The following GABARAPL2 variants were observed in gnomAD, a reference collection of about 807,000 sequenced individuals.
GABARAPL2 encodes the protein GABA type A receptor associated protein like 2.
A neutral mutation model predicts 16.9 loss-of-function variants in GABARAPL2; 11 were observed. The ratio of observed to expected loss-of-function variants is 0.65; its 90% CI spans 0.41 to 1.08. GABARAPL2 has a LOEUF of 1.08. GABARAPL2 is among the 50% of genes least tolerant of loss of function. GABARAPL2 has a pLI of 0.00. For synonymous variants in GABARAPL2, 57 were observed against 50.7 expected (o/e 1.12, Z -0.53); for missense variants, 134 against 142.5 (o/e 0.94, Z 0.30).
chr16:75,571,671 CT>C (rs576323236), intron 3 of GABARAPL2, among the ~76,000 whole-genome samples: 10,431 of 139,242 alleles, frequency 0.075, 1,155 homozygotes, highest in African/African-American at 0.25. Context: ...AAGGACAGGA[CT>C]TTTTTTTTTT....
At chr16:75,573,111 A>C (rs1337987356) in intron 3 of GABARAPL2, among the ~76,000 whole-genome samples, 3 of 152,226 alleles carry the variant, frequency 2.0e-5, no homozygotes, top group African/African-American at 4.8e-5. Flanking sequence ...CAGGCCTCCA[A>C]ATTCTGAGGG....
At chr16:75,566,746 G>C in intron 1 of GABARAPL2, 106 bp from the exon 2 acceptor site, 1 of 1,180,226 alleles carries the variant, frequency 8.5e-7, no homozygotes, top group Admixed American at 1.7e-5. Context: ...GGGGACGCCG[G>C]AACCAGGGCC....
chr16:75,568,324 AT>A, intron 3 of GABARAPL2, 115 bp downstream of exon 3: 1 of 651,516 alleles, frequency 1.5e-6, no homozygotes, highest in Non-Finnish European at 2.7e-6. Flanking sequence ...AGAAATCTGG[AT>A]TTTATGCTCC....
At chr16:75,575,482 C>G (rs1032802086) in intron 3 of GABARAPL2, 1 of 152,096 alleles carries the variant, frequency 6.6e-6, no homozygotes, top group Non-Finnish European at 1.5e-5. Context: ...CAGAGTCTCG[C>G]TCTGTCGCCC....
chr16:75,567,935 C>T (rs1215483717), intron 2 of GABARAPL2, 102 bp from the exon 3 acceptor site: 3 of 794,486 alleles, frequency 3.8e-6, no homozygotes, highest in African/African-American at 1.7e-5. Flanking sequence ...TGCAGTTCCC[C>T]ACCCACCTCC....
In GABARAPL2 at chr16:75,577,495, C is replaced by A; in HGVS notation, c.*126C>A. On this transcript the variant is annotated 3_prime_UTR_variant, in exon 4 of 4. Transcript: ENST00000037243. Reference sequence around the variant, plus strand: ...AGTGCATTTGTAACTGGATTTATTTCTTAATATATTGGAAGGTTTTGTTTC... The same window carrying A: ...AGTGCATTTGTAACTGGATTTATTTATTAATATATTGGAAGGTTTTGTTTC... The A allele has an allele frequency of 1.6e-6, 1 of 639,112 alleles. No homozygotes were observed. Among genetic ancestry groups the A allele is most frequent in the Non-Finnish European group, 2.8e-6 (1 of 352,042 alleles). The allele number at this position is 639,112 out of a possible 1,614,324, so 39.6% of individuals were successfully genotyped here. A position where few individuals can be genotyped will look rare whatever the true frequency, so the allele number is the denominator to read the frequency against.
At chr16:75,574,461 T>G (rs2080935306) in intron 3 of GABARAPL2, among the ~76,000 whole-genome samples, 1 of 152,160 alleles carries the variant, frequency 6.6e-6, no homozygotes, top group Non-Finnish European at 1.5e-5. Context: ...CCCTGGACAC[T>G]TGGACAAATG....
intron 3 of GABARAPL2, among the ~76,000 whole-genome samples, chr16:75,571,306 C>T (rs2080912877): frequency 6.6e-6 from 1 of 152,162 alleles, no homozygotes; most frequent in African/African-American, 2.4e-5. Flanking sequence ...TTATAACTGA[C>T]ATTGGGAAAC....
intron 3 of GABARAPL2, chr16:75,576,431 A>G (rs1279339991): frequency 6.6e-6 from 1 of 152,164 alleles, no homozygotes; most frequent in East Asian, 1.9e-4. Flanking sequence ...TTCCCCTTTT[A>G]AGGATCTGTT....
intron 1 of GABARAPL2, 109 bp downstream of exon 1, chr16:75,566,629 C>CG: frequency 7.8e-7 from 1 of 1,281,954 alleles, no homozygotes; most frequent in Non-Finnish European, 1.1e-6. Flanking sequence ...TGCCCTGCTG[C>CG]GGGCTGGAGT....
intron 3 of GABARAPL2, among the ~76,000 whole-genome samples, chr16:75,574,026 TAAAC>T (rs1049553828): frequency 6.6e-6 from 1 of 152,232 alleles, no homozygotes; most frequent in Non-Finnish European, 1.5e-5. Context: ...GGGCACTGCT[TAAAC>T]AAATTAATGA....
Position 75,567,523 on chromosome 16 carries a change from TTGTC to T in GABARAPL2, c.91-511_91-508del, listed in dbSNP as rs747696282. 1.4e-3 allele frequency among the ~76,000 whole-genome samples: 218 copies of T among 152,312 alleles called. 1 individual carries two copies. Among genetic ancestry groups the T allele is most frequent in the Non-Finnish European group, 2.3e-3 (159 of 68,032 alleles). On this transcript the variant is annotated intron_variant, in intron 2 of 3. Transcript: ENST00000037243. ...TTGTAGCTCTTTGCTTGTGAATAAT[TTGTC>T]TGGGGAAAGGAGTAGGAGGGACGGA...
chr16:75,568,088 A>C lies in GABARAPL2; in HGVS notation c.142A>C (p.Lys48Gln). 6.2e-7 allele frequency: 1 copy of C among 1,610,702 alleles called. No individual in the cohort carries two copies. The highest frequency in any genetic ancestry group is 8.5e-7 in the Non-Finnish European group (1 of 1,177,088). The change falls in exon 3 of 4, where the codon AAG becomes CAG. Residue 48 changes from lysine (K) to glutamine (Q), a missense_variant. Physicochemically the swap from Lys to Gln is moderately conservative, Grantham distance 53 (BLOSUM62 1). Coordinates refer to ENST00000037243, the MANE Select transcript of GABARAPL2 (RefSeq NM_007285.7). ...GSQIVDIDKR[K>Q]YLVPSDITVA... ...TCAGATTGTTGACATTGACAAACGG[A>C]AGTACTTGGTTCCATCTGATATCAC...
chr16:75,568,330 T>C (rs1170490733), intron 3 of GABARAPL2, 121 bp downstream of exon 3: 13 of 637,506 alleles, frequency 2.0e-5, no homozygotes, highest in East Asian at 1.5e-4. Flanking sequence ...CTGGATTTTA[T>C]GCTCCCTGAC....
intron 3 of GABARAPL2, among the ~76,000 whole-genome samples, chr16:75,569,395 C>T (rs2080902216): frequency 6.6e-6 from 1 of 152,194 alleles, no homozygotes; most frequent in African/African-American, 2.4e-5. Flanking sequence ...TGTGGTGTTG[C>T]TTGAGGAGAT....
chr16:75,574,672 C>G (rs1159209110), intron 3 of GABARAPL2, among the ~76,000 whole-genome samples: 1 of 152,098 alleles, frequency 6.6e-6, no homozygotes, highest in East Asian at 1.9e-4. Context: ...ACTTCCTAAT[C>G]ACATAGCTTT....
At chr16:75,570,826 T>A (rs774952425) in intron 3 of GABARAPL2, among the ~76,000 whole-genome samples, 25 of 152,234 alleles carry the variant, frequency 1.6e-4, no homozygotes, top group African/African-American at 4.8e-4. Context: ...CATTGGAAAG[T>A]TGAATTCTCT....
At chr16:75,567,388 T>G (rs1308769818) in intron 2 of GABARAPL2, among the ~76,000 whole-genome samples, 1 of 152,244 alleles carries the variant, frequency 6.6e-6, no homozygotes, top group Non-Finnish European at 1.5e-5. Flanking sequence ...AAACCCCTTC[T>G]GCCATATTTT....
chr16:75,566,628 G>C, intron 1 of GABARAPL2, 108 bp downstream of exon 1: 1 of 1,275,974 alleles, frequency 7.8e-7, no homozygotes, highest in Non-Finnish European at 1.1e-6. Context: ...ATGCCCTGCT[G>C]CGGGCTGGAG....
Sources: allele counts gnomAD v4.1 joint callset (sites outside exome capture counted in the v4.1 genomes callset), GRCh38; gene constraint gnomAD v4.1.1; transcripts MANE v1.5; gene names NCBI Gene and HGNC (gene_info 2026-07-23, HGNC 2026-07-21).